Variants in TDRD1 observed in about 807,000 individuals in gnomAD.
TDRD1 encodes tudor domain containing 1.
A neutral mutation model predicts 140.6 loss-of-function variants in TDRD1; 37 were observed. The observed-to-expected ratio is 0.26, with a 90% CI of 0.20 to 0.35. The LOEUF is 0.35. Among genes scored for constraint, TDRD1 ranks in the 10% least tolerant of loss-of-function variants. The pLI, the probability that TDRD1 is intolerant of heterozygous loss-of-function variation, is 1.00. For missense variants in TDRD1, 1,243 were observed against 1,393.0 expected (o/e 0.89, Z 1.71); for synonymous variants, 506 against 475.7 (o/e 1.06, Z -0.83).
intron 18 of TDRD1, among the ~76,000 whole-genome samples, chr10:114,219,081 CAA>C (rs1397454975): frequency 6.6e-6 from 1 of 152,150 alleles, no homozygotes; most frequent in Non-Finnish European, 1.5e-5. Flanking sequence ...GTCTGGCACT[CAA>C]AGTTCTACAT....
chr10:114,203,440 C>T, exon 8 of TDRD1: 1 of 1,613,808 alleles, frequency 6.2e-7, no homozygotes, highest in Non-Finnish European at 8.5e-7. Context: ...CAGTTATATT[C>T]TTCAGAAGTT....
At chr10:114,181,923 G>T (rs537706513) in intron 1 of TDRD1, among the ~76,000 whole-genome samples, 73 of 151,832 alleles carry the variant, frequency 4.8e-4, no homozygotes, top group African/African-American at 1.7e-3. Context: ...CTATGCCTGC[G>T]TTACATTCAT....
chr10:114,190,990 A>G (rs775437549), exon 3 of TDRD1: 8 of 1,614,124 alleles, frequency 5.0e-6, no homozygotes, highest in Non-Finnish European at 6.8e-6. Context: ...AAGTGCTGAA[A>G]GTAATTCACC....
At chr10:114,189,318 G>A (rs1037614841) in intron 2 of TDRD1, among the ~76,000 whole-genome samples, 1 of 152,266 alleles carries the variant, frequency 6.6e-6, no homozygotes, top group South Asian at 2.1e-4. Flanking sequence ...GTGTGCAATT[G>A]AGTTGTAAGC....
At chr10:114,187,398 TAGG>T (rs1419659424) in intron 1 of TDRD1, among the ~76,000 whole-genome samples, 2 of 152,046 alleles carry the variant, frequency 1.3e-5, no homozygotes, top group African/African-American at 4.8e-5. Flanking sequence ...TAGCATAAAG[TAGG>T]AGAGGGTAGA....
chr10:114,180,630 A>G (rs2032974955), intron 1 of TDRD1, among the ~76,000 whole-genome samples: 2 of 151,984 alleles, frequency 1.3e-5, no homozygotes, highest in South Asian at 4.1e-4. Flanking sequence ...GCGCCCTGCT[A>G]ATTTTTGTAT....
chr10:114,192,221 C>G (rs574482992), intron 3 of TDRD1, among the ~76,000 whole-genome samples: 1 of 134,672 alleles, frequency 7.4e-6, no homozygotes, highest in Admixed American at 7.6e-5. Flanking sequence ...TTGGTGTCAA[C>G]TTTAAAACTG....
exon 8 of TDRD1, chr10:114,203,415 G>T: frequency 6.2e-7 from 1 of 1,610,632 alleles, no homozygotes. Context: ...CAAACACCCA[G>T]GGGACTTCTA....
chr10:114,178,009 AT>A (rs925527585), upstream of TDRD1, among the ~76,000 whole-genome samples: 2 of 149,188 alleles, frequency 1.3e-5, no homozygotes, highest in African/African-American at 4.9e-5. Flanking sequence ...ATTTTTTTTT[AT>A]TTTTTTATTT....
upstream of TDRD1, among the ~76,000 whole-genome samples, chr10:114,175,956 A>G (rs532765143): frequency 2.6e-5 from 4 of 152,182 alleles, no homozygotes; most frequent in Non-Finnish European, 5.9e-5. Flanking sequence ...ATGTCAATCA[A>G]ATAGTCAATG....
chr10:114,220,873 A>C (rs2036100088), intron 19 of TDRD1, 30 bp downstream of exon 19: 1 of 1,531,440 alleles, frequency 6.5e-7, no homozygotes, highest in Non-Finnish European at 8.9e-7. Context: ...TATTTGTTTA[A>C]ATTTGTTATT....
At chr10:114,202,215 T>C (rs1374305019) in intron 5 of TDRD1, 23 bp from the exon 6 acceptor site, 1 of 1,584,726 alleles carries the variant, frequency 6.3e-7, no homozygotes, top group Admixed American at 1.7e-5. Flanking sequence ...GTATAAATAT[T>C]GTAATCTGTT....
At chr10:114,182,124 G>C (rs191195596) in intron 1 of TDRD1, among the ~76,000 whole-genome samples, 1 of 152,182 alleles carries the variant, frequency 6.6e-6, no homozygotes, top group South Asian at 2.1e-4. Context: ...TCCTGTTGAC[G>C]GGCTGCCAAC....
At chr10:114,218,112 G>A (rs1564962335) in intron 17 of TDRD1, among the ~76,000 whole-genome samples, 1 of 152,144 alleles carries the variant, frequency 6.6e-6, no homozygotes, top group Non-Finnish European at 1.5e-5. Flanking sequence ...AAACTGACAA[G>A]TATATTCAAG....
Position 114,190,942 on chromosome 10 carries a change from TTG to T in TDRD1, c.326-15_326-14del, listed in dbSNP as rs771589396. 9 of 1,612,674 alleles carry T rather than the reference TTG, an allele frequency of 5.6e-6. No homozygotes were observed. Among genetic ancestry groups the T allele is most frequent in the Admixed American group, 3.3e-5 (2 of 59,920 alleles). On this transcript the variant is annotated splice_polypyrimidine_tract_variant and intron_variant, in intron 2 of 25. Coordinates refer to ENST00000251864, the Ensembl canonical transcript of TDRD1. ...AGTATTATTTGGCTTTTATTTGAAA[TTG>T]TGTTTTTCCTCCCCAGGAAACTCAG...
chr10:114,224,170 A>G (rs547416802), intron 21 of TDRD1, among the ~76,000 whole-genome samples: 1 of 152,354 alleles, frequency 6.6e-6, no homozygotes, highest in Admixed American at 6.5e-5. Flanking sequence ...CCTTCAGCCT[A>G]ATAGTTAATT....
At chr10:114,216,813 A>T (rs990123901) in intron 16 of TDRD1, among the ~76,000 whole-genome samples, 1 of 152,242 alleles carries the variant, frequency 6.6e-6, no homozygotes, top group Non-Finnish European at 1.5e-5. Context: ...CTGAAAGGTG[A>T]AACATCTGAA....
exon 18 of TDRD1, chr10:114,218,527 A>G (rs1398314189): frequency 8.1e-6 from 13 of 1,612,292 alleles, no homozygotes; most frequent in Non-Finnish European, 1.0e-5. Flanking sequence ...TGAACTCCGA[A>G]TGATATCATC....
At chr10:114,176,887 C>G (rs565619409), upstream of TDRD1, among the ~76,000 whole-genome samples, 1 of 152,250 alleles carries the variant, frequency 6.6e-6, no homozygotes, top group East Asian at 1.9e-4. This position sits in a 1 kb window ranked among gnomAD's most constrained non-coding sequence, Gnocchi z 4.2. Flanking sequence ...AAGTGGTAAT[C>G]TCTTAAAGAC....
Sources: gnomAD v4.1 joint callset for allele counts (sites outside exome capture counted in the v4.1 genomes callset) on GRCh38, gnomAD v4.1.1 for gene constraint, Gnocchi (gnomAD v3.1) non-coding constraint, MANE v1.5 for transcripts, NCBI Gene and HGNC (gene_info 2026-07-23, HGNC 2026-07-21) for gene names.